GOLGA8T: variants seen among roughly 807,000 people sequenced by gnomAD.
GOLGA8T encodes golgin subfamily A member 8T.
Under a neutral mutation model 52.0 loss-of-function variants are expected in GOLGA8T, and 17 were observed. That is an observed-to-expected ratio of 0.33 (90% confidence interval 0.22 to 0.49). The LOEUF is 0.49. GOLGA8T is among the 20% of genes least tolerant of loss of function. GOLGA8T has a pLI of 0.99. For synonymous variants in GOLGA8T, 67 were observed against 169.5 expected, an observed-to-expected ratio of 0.40 and a Z score of 4.70; for missense variants, 154 against 462.1, an observed-to-expected ratio of 0.33 and a Z score of 6.11.
In GOLGA8T at chr15:30,140,889, C is replaced by G. The variant is rs1412808337; in HGVS notation, c.639C>G (p.Ser213=). 1.7e-5 allele frequency: 26 copies of G among 1,556,578 alleles called. 3 individuals carry two copies. Among genetic ancestry groups the G allele is most frequent in the Non-Finnish European group, 2.1e-5 (24 of 1,160,620 alleles). Reference sequence around the variant, plus strand: ...GTACGGAGTGGAAGTTAGAGCAGTCCATGCGGGAGGAGACACTACTGAAAG... The same window carrying G: ...GTACGGAGTGGAAGTTAGAGCAGTCGATGCGGGAGGAGACACTACTGAAAG... The part of the protein sequence containing the change: ...KARTEWKLEQ[S]MREETLLKVQ... The change falls in exon 9 of 19, where the codon TCC becomes TCG. Residue 213 remains serine, a synonymous_variant. Coordinates refer to ENST00000569052, the MANE Select transcript of GOLGA8T (RefSeq NM_001355469.2).
intron 2 of GOLGA8T, among the ~76,000 whole-genome samples, chr15:30,137,245 G>A (rs1379776452): frequency 3.8e-4 from 56 of 147,214 alleles, no homozygotes; most frequent in African/African-American, 1.3e-3. Flanking sequence ...AAGCGTGGTG[G>A]CGTGTGCCTG....
intron 13 of GOLGA8T, among the ~76,000 whole-genome samples, 194 bp from the exon 14 acceptor site, chr15:30,143,412 G>A (rs561061900): frequency 1.6e-5 from 2 of 125,232 alleles, no homozygotes; most frequent in Admixed American, 7.1e-5. Context: ...AGAAGGAGGC[G>A]CTGTACAGGC....
chr15:30,144,581 A>C (rs2057793674), intron 15 of GOLGA8T, among the ~76,000 whole-genome samples, 198 bp from the exon 16 acceptor site: 1 of 134,584 alleles, frequency 7.4e-6, no homozygotes, highest in Non-Finnish European at 1.6e-5. Flanking sequence ...TCGGCCCAGA[A>C]GGAGCCAGAG....
Position 30,148,646 on chromosome 15 carries a change from G to T in GOLGA8T, c.*3079G>T, listed in dbSNP as rs550861002. On this transcript the variant is annotated 3_prime_UTR_variant, in exon 19 of 19. Transcript: ENST00000569052. ...GAATTTTACCAGTTTATGAATTATT[G>T]TAAACAGAATGTGTCATGGAAATAC... is the stretch of plus-strand genomic sequence containing the variant. Among the ~76,000 whole-genome samples the T allele has an allele frequency of 6.9e-6, 1 of 144,616 alleles. No individual in the cohort carries two copies. Among genetic ancestry groups the T allele is most frequent in the South Asian group, 2.3e-4 (1 of 4,406 alleles). 94.9% of individuals were successfully genotyped at this position (144,616 alleles called of 152,430 possible). A position where few individuals can be genotyped will look rare whatever the true frequency, so the allele number is the denominator to read the frequency against.
intron 15 of GOLGA8T, among the ~76,000 whole-genome samples, chr15:30,144,569 C>T (rs1313108093): frequency 1.6e-4 from 22 of 133,432 alleles, no homozygotes; most frequent in African/African-American, 6.2e-4. Context: ...CACCCGGTGG[C>T]CTCGGCCCAG....
chr15:30,142,591 T>C (rs951214017), intron 13 of GOLGA8T, among the ~76,000 whole-genome samples: 1 of 143,400 alleles, frequency 7.0e-6, no homozygotes, highest in Non-Finnish European at 1.5e-5. Context: ...GACATCATCA[T>C]CCTAGCTAGA....
rs1343804913 is a variant in GOLGA8T at position 30,143,484 on chromosome 15, G to A, written c.1201-122G>A. 1.4e-4 allele frequency: 204 copies of A among 1,443,454 alleles called. 3 individuals carry two copies. The highest frequency in any genetic ancestry group is 1.4e-3 in the East Asian group (58 of 41,112). The allele number at this position is 1,443,454 out of a possible 1,614,324, so 89.4% of individuals were successfully genotyped here. On this transcript the variant is annotated intron_variant, in intron 13 of 18. Coordinates refer to ENST00000569052, the MANE Select transcript of GOLGA8T (RefSeq NM_001355469.2). Reference sequence around the variant, plus strand: ...AGCAGCAGGAAGCTTGGGGCAAAGCGGTGGCTGAGATGGCCTGCCAAAAGT... The same window carrying A: ...AGCAGCAGGAAGCTTGGGGCAAAGCAGTGGCTGAGATGGCCTGCCAAAAGT...
Position 30,148,319 on chromosome 15 carries a change from T to C in GOLGA8T, c.*2752T>C, listed in dbSNP as rs1458367713. ...AATAATCATTTTAAAAGTATTTGAT[T>C]CAACCTGATAATTTTCCAGAAATGA... On this transcript the variant is annotated 3_prime_UTR_variant, in exon 19 of 19. Coordinates refer to ENST00000569052, the MANE Select transcript of GOLGA8T (RefSeq NM_001355469.2). 7.8e-6 allele frequency among the ~76,000 whole-genome samples: 1 copy of C among 127,488 alleles called. No individual in the cohort carries two copies. The highest frequency in any genetic ancestry group is 1.5e-5 in the Non-Finnish European group (1 of 65,074). The allele number at this position is 127,488 out of a possible 152,430, so 83.6% of individuals were successfully genotyped here.
rs1246080395 is a variant in GOLGA8T, at chr15:30,148,113, AT to A, written c.*2548del. Among the ~76,000 whole-genome samples, 1 of 141,436 alleles carries A rather than the reference AT, an allele frequency of 7.1e-6. No individual in the cohort carries two copies. Among genetic ancestry groups the A allele is most frequent in the East Asian group, 2.0e-4 (1 of 5,106 alleles). The allele number at this position is 141,436 out of a possible 152,430, so 92.8% of individuals were successfully genotyped here. On this transcript the variant is annotated 3_prime_UTR_variant, in exon 19 of 19. Coordinates refer to ENST00000569052, the MANE Select transcript of GOLGA8T (RefSeq NM_001355469.2). ...TGCATGCAGTCTTTTGCGATACCTC[AT>A]TCAGCCGAGTATTTGTGCTCTTCCT...
chr15:30,141,407 A>C lies in GOLGA8T; in HGVS notation c.856A>C (p.Lys286Gln), dbSNP rs1376087342. ...AGAGGAGCTGGAGAGGAGCTTGTCCAAACTCAAAAACCAGATGGGTAAGAT... is the reference window on the plus strand; with the variant it reads ...AGAGGAGCTGGAGAGGAGCTTGTCCCAACTCAAAAACCAGATGGGTAAGAT... ...RVEELERSLS[K>Q]LKNQMAEPLP... The change falls in exon 11 of 19, where the codon AAA (lysine) becomes CAA (glutamine). Residue 286 changes from lysine (K) to glutamine (Q), a missense_variant. By Grantham distance (53) the Lys-to-Gln change is moderately conservative. Transcript: ENST00000569052. 6.5e-7 allele frequency: 1 copy of C among 1,537,964 alleles called. No individual in the cohort carries two copies. The highest frequency in any genetic ancestry group is 8.6e-7 in the Non-Finnish European group (1 of 1,156,440).
At chr15:30,142,782 C>CA (rs58040553) in intron 13 of GOLGA8T, among the ~76,000 whole-genome samples, 9,990 of 76,158 alleles carry the variant, frequency 0.13, 740 homozygotes, top group Non-Finnish European at 0.16. Context: ...ACTAAAATTA[C>CA]AAAAAAAAAA....
chr15:30,137,246 C>T (rs1440050687), intron 2 of GOLGA8T, among the ~76,000 whole-genome samples: 3 of 147,110 alleles, frequency 2.0e-5, no homozygotes, highest in East Asian at 2.0e-4. Flanking sequence ...AGCGTGGTGG[C>T]GTGTGCCTGT....
chr15:30,140,757 G>T lies in GOLGA8T; in HGVS notation c.592-85G>T. ...ATCTTTACTGACCGAGTTGTATATT[G>T]GGCCTAGCCCTAGCCCTTTTAAGGG... On this transcript the variant is annotated intron_variant, in intron 8 of 18. Transcript: ENST00000569052. 5 of 1,025,212 alleles carry T rather than the reference G, an allele frequency of 4.9e-6. 1 individual carries two copies. Among genetic ancestry groups the T allele is most frequent in the Non-Finnish European group, 7.3e-6 (5 of 680,276 alleles). The allele number at this position is 1,025,212 out of a possible 1,614,324, so 63.5% of individuals were successfully genotyped here.
intron 8 of GOLGA8T, chr15:30,140,230 A>G (rs1335787009): frequency 2.3e-6 from 1 of 432,918 alleles, no homozygotes; most frequent in Admixed American, 2.8e-5. Flanking sequence ...TTCATAAAAA[A>G]GTCAGGAGAG....
intron 8 of GOLGA8T, chr15:30,140,210 T>G (rs2057723995): frequency 2.4e-5 from 11 of 455,998 alleles, no homozygotes; most frequent in South Asian, 2.1e-4. Context: ...ATAAAACATG[T>G]CTGCAAGGGT....
Position 30,142,427 on chromosome 15 carries a change from G to T in GOLGA8T, c.1200+45G>T. The T allele has an allele frequency of 2.5e-6, 4 of 1,580,274 alleles. 1 individual carries two copies. The highest frequency in any genetic ancestry group is 4.6e-5 in the East Asian group (2 of 43,630). On this transcript the variant is annotated intron_variant, in intron 13 of 18. Coordinates refer to ENST00000569052, the MANE Select transcript of GOLGA8T (RefSeq NM_001355469.2). ...CCACCCCATCCAAGAAGGGCTGGGA[G>T]GCGGGCAGCAGACTCTGGGGAGGGG...
In GOLGA8T at chr15:30,144,643, G is replaced by A. The variant is rs1263775560; in HGVS notation, c.1369-136G>A. On this transcript the variant is annotated intron_variant, in intron 15 of 18. Transcript: ENST00000569052. ...GCCTGGGGGCGAGTCTGTGAGTAGG[G>A]AGACCCACTGGGCCCTGCAGGAAGT... The A allele has an allele frequency of 1.3e-5, 16 of 1,227,908 alleles. 2 individuals are homozygous for A. The Admixed American group carries it at 3.5e-4, about 27-fold the overall frequency. The allele number at this position is 1,227,908 out of a possible 1,614,324, so 76.1% of individuals were successfully genotyped here.
rs1412997608 is a variant in GOLGA8T, at chr15:30,148,735, AT to A, written c.*3170del. 1.3e-5 allele frequency among the ~76,000 whole-genome samples: 2 copies of A among 148,228 alleles called. No homozygotes were observed. Among genetic ancestry groups the A allele is most frequent in the Admixed American group, 6.7e-5 (1 of 14,922 alleles). On this transcript the variant is annotated 3_prime_UTR_variant, in exon 19 of 19. Coordinates refer to ENST00000569052, the MANE Select transcript of GOLGA8T (RefSeq NM_001355469.2). ...GTGTGATGCCACTGTAATGTAATAA[AT>A]TATTAAATTGTTTCAATGTGTTGTT...
intron 12 of GOLGA8T, 80 bp from the exon 13 acceptor site, chr15:30,142,234 C>T: frequency 2.0e-6 from 2 of 983,768 alleles, no homozygotes; most frequent in Non-Finnish European, 2.9e-6. Context: ...TCCAGCCTTC[C>T]CAGTGCCATG....
Sources: allele counts gnomAD v4.1 joint callset (sites outside exome capture counted in the v4.1 genomes callset), GRCh38; gene constraint gnomAD v4.1.1; transcripts MANE v1.5; gene names NCBI Gene and HGNC (gene_info 2026-07-23, HGNC 2026-07-21).